Variants in ZNF511 observed in about 807,000 individuals in gnomAD.
ZNF511 encodes zinc finger protein 511.
In ZNF511, 26 loss-of-function variants were observed where a neutral mutation model predicts 24.8. The ratio of observed to expected loss-of-function variants is 1.05; its 90% CI spans 0.77 to 1.46. The LOEUF is 1.46. Among genes scored for constraint, ZNF511 ranks in the 40% most tolerant of loss-of-function variants. The probability of loss-of-function intolerance (pLI) is 0.00; values close to 1 mark genes in which losing one functional copy is unlikely to be tolerated. For synonymous variants in ZNF511, 144 were observed against 139.6 expected, an observed-to-expected ratio of 1.03 and a Z score of -0.22; for missense variants, 358 against 345.0, an observed-to-expected ratio of 1.04 and a Z score of -0.30.
At chr10:133,311,957 G>T (rs530960305) in intron 5 of ZNF511, 116 bp downstream of exon 5, 3 of 1,612,030 alleles carry the variant, frequency 1.9e-6, no homozygotes, top group South Asian at 2.2e-5. Context: ...GTAACGCTGG[G>T]TAAGAAAATC....
In ZNF511 at chr10:133,311,805, C is replaced by T; in HGVS notation, c.644C>T (p.Pro215Leu). Residue 215 changes from proline to leucine, a missense_variant, in exon 5 of 6, where the codon CCT (proline) becomes CTT (leucine). Coordinates refer to ENST00000361518, the MANE Select transcript of ZNF511 (RefSeq NM_145806.4). ...EICSEPVAAS[P>L]APAGERRIYR... is the part of the protein sequence containing the mutation. ...TGCTCTGAGCCTGTGGCAGCCTCCC[C>T]TGCACCGGCAGGTGAGAGGCGGATC... is the stretch of plus-strand genomic sequence containing the variant. 1 of 1,613,438 alleles carries T rather than the reference C, an allele frequency of 6.2e-7. No homozygotes were observed. Among genetic ancestry groups the T allele is most frequent in the Non-Finnish European group, 8.5e-7 (1 of 1,180,048 alleles).
rs1412194947 is a variant in ZNF511 at position 133,312,999 on chromosome 10, C to T, written c.*133C>T. 5.3e-6 allele frequency: 8 copies of T among 1,517,166 alleles called. No homozygotes were observed. Among genetic ancestry groups the T allele is most frequent in the Non-Finnish European group, 6.2e-6 (7 of 1,137,728 alleles). 94.0% of individuals were successfully genotyped at this position (1,517,166 alleles called of 1,614,324 possible). ...CATCCTCCCCATCCTTGTTCCTCAGCAAATGGCATTAGCAGCTGTCATCAG... is the reference window on the plus strand; with the variant it reads ...CATCCTCCCCATCCTTGTTCCTCAGTAAATGGCATTAGCAGCTGTCATCAG... On this transcript the variant is annotated 3_prime_UTR_variant, in exon 6 of 6. Transcript: ENST00000361518.
Position 133,312,941 on chromosome 10 carries a change from C to G in ZNF511, c.*75C>G. The stretch of plus-strand genomic sequence containing the variant: ...CCGCCTTGGGCCTTTCTCCGACCTT[C>G]TGGTGTGGCCGCCCTGGGGGCCAGG... On this transcript the variant is annotated 3_prime_UTR_variant, in exon 6 of 6. Transcript: ENST00000361518. 6.2e-7 allele frequency: 1 copy of G among 1,604,236 alleles called. No individual in the cohort carries two copies. The highest frequency in any genetic ancestry group is 8.5e-7 in the Non-Finnish European group (1 of 1,174,950).
chr10:133,311,288 G>C (rs894377097), intron 4 of ZNF511, among the ~76,000 whole-genome samples: 8 of 152,120 alleles, frequency 5.3e-5, no homozygotes, highest in African/African-American at 1.7e-4. Context: ...AAAGACTTAC[G>C]TGTAAAGTAA....
Position 133,310,189 on chromosome 10 carries a change from C to T in ZNF511, c.455C>T (p.Thr152Ile). The T allele has an allele frequency of 1.9e-6, 3 of 1,613,982 alleles. No homozygotes were observed. Among genetic ancestry groups the T allele is most frequent in the Non-Finnish European group, 1.7e-6 (2 of 1,180,032 alleles). ...DMYQCLVEGC[T>I]EKFKTSRDRK... ...TATCAGTGCTTGGTAGAAGGCTGCA[C>T]AGAGAAGTTCAAGACCAGCAGAGAC... is the stretch of plus-strand genomic sequence containing the variant. The change falls in exon 4 of 6, where the codon ACA becomes ATA. Residue 152 changes from threonine to isoleucine, a missense_variant. By Grantham distance (89) the Thr-to-Ile change is moderately conservative. Coordinates refer to ENST00000361518, the MANE Select transcript of ZNF511 (RefSeq NM_145806.4).
At chr10:133,310,628 C>T (rs920723231) in intron 4 of ZNF511, 1 of 336,282 alleles carries the variant, frequency 3.0e-6, no homozygotes, top group Non-Finnish European at 5.7e-6. Flanking sequence ...GTCATCCGCA[C>T]TCACACCCCT....
chr10:133,311,632 T>C (rs1847989814), intron 4 of ZNF511, 84 bp from the exon 5 acceptor site: 5 of 1,211,572 alleles, frequency 4.1e-6, no homozygotes, highest in Non-Finnish European at 5.9e-6. Flanking sequence ...GGAAATCCAG[T>C]TTCTTTCTTG....
At position 133,312,793 on chromosome 10, in the gene ZNF511, C is replaced by A. The variant is rs1052607215; in HGVS notation, c.686C>A (p.Pro229His). ...GERRIYRHRIPSTICFGQGAA... is the reference protein window; with the variant it reads ...GERRIYRHRIHSTICFGQGAA... ...GAAACTTTCTTCCATCCCAGAATAC[C>A]CTCTACCATCTGCTTTGGTCAGGGT... Residue 229 changes from proline to histidine, a missense_variant, in exon 6 of 6, where the codon CCC (proline) becomes CAC (histidine). Transcript: ENST00000361518. 1.2e-6 allele frequency: 2 copies of A among 1,614,232 alleles called. No individual in the cohort carries two copies. Among genetic ancestry groups the A allele is most frequent in the East Asian group, 4.5e-5 (2 of 44,888 alleles).
chr10:133,309,126 T>C, intron 1 of ZNF511, 30 bp downstream of exon 1: 1 of 1,360,100 alleles, frequency 7.4e-7, no homozygotes, highest in Non-Finnish European at 9.5e-7. Flanking sequence ...AAAAAGTAGT[T>C]GTAGGATCCA....
intron 4 of ZNF511, chr10:133,310,590 C>A (rs750360073): frequency 2.5e-6 from 1 of 406,998 alleles, no homozygotes; most frequent in Admixed American, 4.0e-5. Flanking sequence ...CTGGGCCATG[C>A]CTGTACCTCC....
chr10:133,312,559 C>G, intron 5 of ZNF511: 1 of 1,417,100 alleles, frequency 7.1e-7, no homozygotes, highest in Non-Finnish European at 9.2e-7. Flanking sequence ...GCCGCCCTCT[C>G]TGCGGAGTTC....
At position 133,312,678 on chromosome 10, in the gene ZNF511, C is replaced by T. The variant is rs540349335; in HGVS notation, c.681-110C>T. ...GCCCAGGAGGGCCGGCTCTGCATTC[C>T]GCATGTTCCCAGAGTGAAAGAGAAT... On this transcript the variant is annotated intron_variant, in intron 5 of 5. Coordinates refer to ENST00000361518, the MANE Select transcript of ZNF511 (RefSeq NM_145806.4). 4.4e-5 allele frequency: 69 copies of T among 1,579,532 alleles called. 1 individual carries two copies. The highest frequency in any genetic ancestry group is 4.0e-4 in the African/African-American group (30 of 74,134).
In ZNF511 at chr10:133,312,917, C is replaced by T. The variant is rs376494927; in HGVS notation, c.*51C>T. On this transcript the variant is annotated 3_prime_UTR_variant, in exon 6 of 6. Transcript: ENST00000361518. ...AGTCACCACTGCTGGGCGTGGCATC[C>T]GCCTTGGGCCTTTCTCCGACCTTCT... 1.6e-5 allele frequency: 25 copies of T among 1,611,922 alleles called. No individual in the cohort carries two copies. In the African/African-American group the frequency reaches 1.9e-4, roughly 12 times the overall value.
chr10:133,309,536 C>T (rs1259842264), intron 2 of ZNF511, 73 bp downstream of exon 2: 2 of 1,518,596 alleles, frequency 1.3e-6, no homozygotes, highest in African/African-American at 2.8e-5. Context: ...GTCCCTGGGG[C>T]TGTGCTGCCG....
At position 133,312,732 on chromosome 10, in the gene ZNF511, A is replaced by G. The variant is rs916671555; in HGVS notation, c.681-56A>G. 4 of 1,613,392 alleles carry G rather than the reference A, an allele frequency of 2.5e-6. No individual in the cohort carries two copies. In the African/African-American group the frequency reaches 5.3e-5, roughly 22 times the overall value. On this transcript the variant is annotated intron_variant, in intron 5 of 5. Transcript: ENST00000361518. ...AAGGAGACACACAAGTGCTGTTATG[A>G]CCTGGGTTGTTGGTTGGCAAATACA...
intron 5 of ZNF511, chr10:133,312,255 G>A (rs1334052483): frequency 2.5e-5 from 33 of 1,331,578 alleles, no homozygotes; most frequent in Middle Eastern, 2.9e-4. Flanking sequence ...GACCTGTGCC[G>A]TCTGCCTTTC....
chr10:133,310,794 TC>T (rs1231290507), intron 4 of ZNF511, among the ~76,000 whole-genome samples: 1 of 152,058 alleles, frequency 6.6e-6, no homozygotes, highest in Non-Finnish European at 1.5e-5. Flanking sequence ...GGGAAATACT[TC>T]CAGGAACAAT....
intron 3 of ZNF511, 61 bp downstream of exon 3, chr10:133,310,038 G>A: frequency 6.2e-7 from 1 of 1,609,384 alleles, no homozygotes; most frequent in Non-Finnish European, 8.5e-7. Flanking sequence ...TCAGAGTGCT[G>A]CCCCCAGCTC....
intron 4 of ZNF511, chr10:133,310,635 C>T (rs1847970478): frequency 3.1e-6 from 1 of 319,434 alleles, no homozygotes; most frequent in South Asian, 3.1e-5. Context: ...GCACTCACAC[C>T]CCTCGGGGCC....
Sources: gnomAD v4.1 joint callset for allele counts (sites outside exome capture counted in the v4.1 genomes callset) on GRCh38, gnomAD v4.1.1 for gene constraint, MANE v1.5 for transcripts, NCBI Gene and HGNC (gene_info 2026-07-23, HGNC 2026-07-21) for gene names.